Variants in SYN3 observed in about 807,000 individuals in gnomAD.
The protein encoded by SYN3 is synapsin-3.
In SYN3, 35 loss-of-function variants were observed where a neutral mutation model predicts 65.8. The observed-to-expected ratio is 0.53, with a 90% CI of 0.41 to 0.70. The LOEUF is 0.70. Ranked by LOEUF, SYN3 falls within the 30% of genes least tolerant of loss-of-function variation. The probability of loss-of-function intolerance (pLI) is 0.00; values close to 1 mark genes in which losing one functional copy is unlikely to be tolerated. For synonymous variants in SYN3, 270 were observed against 292.9 expected, an observed-to-expected ratio of 0.92 and a Z score of 0.80; for missense variants, 680 against 749.0, an observed-to-expected ratio of 0.91 and a Z score of 1.08.
intron 2 of SYN3, among the ~76,000 whole-genome samples, chr22:32,997,993 C>T (rs1319688464): frequency 6.7e-6 from 1 of 149,114 alleles, no homozygotes; most frequent in African/African-American, 2.5e-5. Context: ...AACCACTGCA[C>T]TCCAGCCTGG....
At chr22:33,015,055 C>T (rs145867306) in intron 1 of SYN3, 2,251 of 177,152 alleles carry the variant, frequency 0.013, 27 homozygotes, top group Middle Eastern at 0.051. Context: ...CCCGTCTCTA[C>T]TAAAAGTACA....
At chr22:32,745,892 G>A (rs1020539785) in intron 6 of SYN3, among the ~76,000 whole-genome samples, 13 of 152,314 alleles carry the variant, frequency 8.5e-5, no homozygotes, top group African/African-American at 1.9e-4. Flanking sequence ...TCCAGCCAGC[G>A]TGGTGCCGAC....
At chr22:32,575,512 A>G (rs17700302) in intron 7 of SYN3, among the ~76,000 whole-genome samples, 3,469 of 152,318 alleles carry the variant, frequency 0.023, 43 homozygotes, top group Non-Finnish European at 0.033. Flanking sequence ...CCCCTGAGTC[A>G]TGACCTGCGA....
intron 3 of SYN3, 90 bp from the exon 4 acceptor site, chr22:32,931,571 G>A (rs930664329): frequency 1.2e-6 from 1 of 858,534 alleles, no homozygotes; most frequent in Admixed American, 1.9e-5. Flanking sequence ...GAGGTACAAA[G>A]TACACCTTTA....
chr22:32,776,156 C>T (rs2045902678), intron 6 of SYN3, among the ~76,000 whole-genome samples: 2 of 152,112 alleles, frequency 1.3e-5, no homozygotes, highest in South Asian at 4.1e-4. Flanking sequence ...GGAACTTGGA[C>T]AGTCATCAGA....
intron 7 of SYN3, among the ~76,000 whole-genome samples, chr22:32,581,398 C>T (rs573093993): frequency 3.3e-5 from 5 of 152,316 alleles, no homozygotes; most frequent in South Asian, 2.1e-4. Flanking sequence ...AGGCATGAGC[C>T]GTAGCTCCCG....
intron 6 of SYN3, among the ~76,000 whole-genome samples, chr22:32,638,022 G>A (rs58208983): frequency 0.079 from 12,010 of 152,074 alleles, 608 homozygotes; most frequent in South Asian, 0.24. Context: ...CTTTATGTCC[G>A]TGAGTACTTC....
intron 6 of SYN3, among the ~76,000 whole-genome samples, chr22:32,615,713 A>T (rs2146714329): frequency 6.6e-6 from 1 of 152,310 alleles, no homozygotes; most frequent in East Asian, 1.9e-4. Flanking sequence ...AGTGTGTGAA[A>T]CATCACAGCA....
At chr22:32,848,473 A>G (rs2048131045) in intron 6 of SYN3, among the ~76,000 whole-genome samples, 1 of 152,202 alleles carries the variant, frequency 6.6e-6, no homozygotes, top group Non-Finnish European at 1.5e-5. Flanking sequence ...CTGCCCTTGT[A>G]AGACAGTTAA....
intron 7 of SYN3, among the ~76,000 whole-genome samples, chr22:32,579,557 G>T (rs2146480551): frequency 6.6e-6 from 1 of 152,260 alleles, no homozygotes; most frequent in South Asian, 2.1e-4. Flanking sequence ...TTGGGTATTA[G>T]GTTCCAACAT....
At chr22:32,891,695 A>T (rs1465750727) in intron 4 of SYN3, among the ~76,000 whole-genome samples, 2 of 152,142 alleles carry the variant, frequency 1.3e-5, no homozygotes, top group African/African-American at 2.4e-5. Flanking sequence ...TGCCTAATAT[A>T]CGGACCTGTT....
At chr22:32,689,767 G>A (rs1336471972) in intron 6 of SYN3, among the ~76,000 whole-genome samples, 2 of 152,122 alleles carry the variant, frequency 1.3e-5, no homozygotes, top group African/African-American at 4.8e-5. Flanking sequence ...CCTCTCAATA[G>A]TCATGCATTT....
intron 6 of SYN3, among the ~76,000 whole-genome samples, chr22:32,686,723 G>A (rs1346617272): frequency 2.7e-5 from 4 of 146,688 alleles, no homozygotes; most frequent in African/African-American, 7.6e-5. Context: ...AGTCTCCAAA[G>A]TAGCTGGGAT....
chr22:32,549,109 A>G (rs777087084), intron 7 of SYN3, among the ~76,000 whole-genome samples: 13 of 152,146 alleles, frequency 8.5e-5, no homozygotes, highest in Non-Finnish European at 1.9e-4. Flanking sequence ...GCTGACCCAC[A>G]TGCTCCTCAG....
chr22:32,713,613 A>G (rs903216056), intron 6 of SYN3, among the ~76,000 whole-genome samples: 12 of 151,954 alleles, frequency 7.9e-5, no homozygotes, highest in Non-Finnish European at 1.2e-4. Flanking sequence ...GGCGGATCAC[A>G]AGGTCAGGAG....
intron 4 of SYN3, among the ~76,000 whole-genome samples, chr22:32,900,372 C>T (rs1035767647): frequency 3.3e-5 from 5 of 152,180 alleles, no homozygotes; most frequent in Middle Eastern, 3.2e-3. Context: ...TGCAAAGTTC[C>T]GGGCAAATTT....
intron 6 of SYN3, among the ~76,000 whole-genome samples, chr22:32,745,715 C>T (rs1602045317): frequency 6.6e-6 from 1 of 152,048 alleles, no homozygotes; most frequent in African/African-American, 2.4e-5. Context: ...CGGACACGTA[C>T]ACCCAGATAG....
chr22:32,516,088 G>T (rs189787607), intron 13 of SYN3, among the ~76,000 whole-genome samples: 1 of 151,806 alleles, frequency 6.6e-6, no homozygotes, highest in Non-Finnish European at 1.5e-5. Flanking sequence ...ATGAGCCATC[G>T]CATCCAGCCC....
intron 6 of SYN3, among the ~76,000 whole-genome samples, chr22:32,724,830 C>T (rs112941262): frequency 6.6e-6 from 1 of 152,160 alleles, no homozygotes; most frequent in Admixed American, 6.5e-5. Flanking sequence ...AGGCCAAACA[C>T]CTCTTCTGGG....
Sources: gnomAD v4.1 joint callset for allele counts (sites outside exome capture counted in the v4.1 genomes callset) on GRCh38, gnomAD v4.1.1 for gene constraint, MANE v1.5 for transcripts, NCBI Gene and HGNC (gene_info 2026-07-23, HGNC 2026-07-21) for gene names.